IQGAP2: variants seen among roughly 807,000 people sequenced by gnomAD.
The protein encoded by IQGAP2 is ras GTPase-activating-like protein IQGAP2.
A neutral mutation model predicts 201.3 loss-of-function variants in IQGAP2; 173 were observed. That is an observed-to-expected ratio of 0.86 (90% confidence interval 0.76 to 0.98). The LOEUF (loss-of-function observed/expected upper bound fraction) is 0.98. IQGAP2 is among the 50% of genes least tolerant of loss of function. The pLI is 0.00. For missense variants in IQGAP2, 1,687 were observed against 1,864.8 expected (o/e 0.90, Z 1.76); for synonymous variants, 675 against 673.9 (o/e 1.00, Z -0.03).
At chr5:76,637,845 A>C (rs1187582751) in intron 16 of IQGAP2, among the ~76,000 whole-genome samples, 1 of 152,250 alleles carries the variant, frequency 6.6e-6, no homozygotes, top group African/African-American at 2.4e-5. Flanking sequence ...CATAAAAATT[A>C]GCCATGTGTC....
chr5:76,656,970 A>G (rs956912014), intron 20 of IQGAP2, among the ~76,000 whole-genome samples: 28 of 152,296 alleles, frequency 1.8e-4, no homozygotes, highest in African/African-American at 6.7e-4. Context: ...CACTGAACGC[A>G]TTCCAGCTTG....
chr5:76,701,616 G>A lies in IQGAP2; in HGVS notation c.4505+403G>A, dbSNP rs113695873. 8.7e-3 allele frequency: 1,405 copies of A among 161,078 alleles called. 23 individuals are homozygous for A. Among genetic ancestry groups the A allele is most frequent in the African/African-American group, 0.031 (1,291 of 41,782 alleles). The allele number at this position is 161,078 out of a possible 1,614,324, so 10.0% of individuals were successfully genotyped here. ...AAGCATGCTGTGAGTGTGTGTATTCGGTGTAGTGGAAAAAACAAACCCTCC... is the reference window on the plus strand; with the variant it reads ...AAGCATGCTGTGAGTGTGTGTATTCAGTGTAGTGGAAAAAACAAACCCTCC... On this transcript the variant is annotated intron_variant, in intron 34 of 35. Coordinates refer to ENST00000274364, the MANE Select transcript of IQGAP2 (RefSeq NM_006633.5).
intron 15 of IQGAP2, among the ~76,000 whole-genome samples, chr5:76,632,733 A>G (rs1750811192): frequency 6.6e-6 from 1 of 152,060 alleles, no homozygotes; most frequent in South Asian, 2.1e-4. Context: ...TATTTGTACC[A>G]CATTGTAGGT....
At chr5:76,472,466 A>T (rs920463229) in intron 2 of IQGAP2, among the ~76,000 whole-genome samples, 3 of 152,192 alleles carry the variant, frequency 2.0e-5, no homozygotes, top group Non-Finnish European at 2.9e-5. Context: ...TATAAAGGAA[A>T]AAGCTACAGG....
chr5:76,496,737 C>CTTTCTT (rs1756951811), intron 2 of IQGAP2, among the ~76,000 whole-genome samples: 1 of 42,358 alleles, frequency 2.4e-5, no homozygotes, highest in South Asian at 7.1e-4. Context: ...TTCTTTCTTT[C>CTTTCTT]TTTCTTTCTT....
chr5:76,515,872 CTTTT>C (rs71604295), intron 2 of IQGAP2, among the ~76,000 whole-genome samples: 2 of 102,760 alleles, frequency 1.9e-5, no homozygotes, highest in African/African-American at 4.0e-5. Context: ...AGGGGGTGAT[CTTTT>C]TTTTTTTTTT....
chr5:76,701,135 C>T lies in IQGAP2; in HGVS notation c.4427C>T (p.Ala1476Val), dbSNP rs142120814. The T allele has an allele frequency of 3.4e-5, 55 of 1,613,832 alleles. No homozygotes were observed. The highest frequency in any genetic ancestry group is 2.8e-4 in the African/African-American group (21 of 74,938). The stretch of plus-strand genomic sequence containing the variant: ...GGAGAACCCAAAGGGGCGAAGAGAG[C>T]GAAGCCAGTGAAGTACACTGCAGCA... The part of the protein sequence containing the change: ...GKGEPKGAKR[A>V]KPVKYTAAKL... Residue 1476 changes from alanine to valine, a missense_variant, in exon 34 of 36, where the codon GCG becomes GTG. Physicochemically the swap from Ala to Val is moderately conservative, Grantham distance 64. Coordinates refer to ENST00000274364, the MANE Select transcript of IQGAP2 (RefSeq NM_006633.5).
At chr5:76,544,943 T>C (rs1235991600) in intron 2 of IQGAP2, among the ~76,000 whole-genome samples, 1 of 152,006 alleles carries the variant, frequency 6.6e-6, no homozygotes, top group African/African-American at 2.4e-5. Context: ...ATGTCTACAG[T>C]ATATATGTAG....
intron 2 of IQGAP2, among the ~76,000 whole-genome samples, chr5:76,530,063 A>AT (rs982617425): frequency 5.9e-5 from 9 of 151,922 alleles, no homozygotes; most frequent in Admixed American, 1.3e-4. Flanking sequence ...CAGCTGGCAC[A>AT]TTTTTTTTGT....
chr5:76,704,801 A>G (rs1353344085), intron 35 of IQGAP2, among the ~76,000 whole-genome samples: 1 of 152,182 alleles, frequency 6.6e-6, no homozygotes, highest in Non-Finnish European at 1.5e-5. Context: ...CTTTCAGTCA[A>G]TTGCATGAAT....
intron 2 of IQGAP2, among the ~76,000 whole-genome samples, chr5:76,489,923 C>T (rs546886416): frequency 1.3e-5 from 2 of 152,334 alleles, no homozygotes; most frequent in East Asian, 1.9e-4. Flanking sequence ...ATGCACACTG[C>T]GGACTTCACC....
At chr5:76,588,870 T>C in intron 5 of IQGAP2, 36 bp from the exon 6 acceptor site, 1 of 1,317,402 alleles carries the variant, frequency 7.6e-7, no homozygotes, top group Non-Finnish European at 1.1e-6. Flanking sequence ...CTTATGATGA[T>C]AAAATTTCTG....
intron 17 of IQGAP2, among the ~76,000 whole-genome samples, chr5:76,646,575 A>T (rs1450824570): frequency 1.3e-5 from 2 of 152,188 alleles, no homozygotes; most frequent in Non-Finnish European, 2.9e-5. Flanking sequence ...ATAATAATTC[A>T]TCTTCCTGTA....
At position 76,404,384 on chromosome 5, in the gene IQGAP2, A is replaced by G; in HGVS notation, c.46+793A>G. On this transcript the variant is annotated intron_variant, in intron 1 of 35. Transcript: ENST00000274364. ...ACCAACCACGTGGCTTCATGTGCAG[A>G]GTTCAGAGTCCTAAACATGTGCCAG... 3.7e-6 allele frequency: 3 copies of G among 803,274 alleles called. No homozygotes were observed. In the South Asian group the frequency reaches 1.7e-4, roughly 46 times the overall value. 49.8% of individuals were successfully genotyped at this position (803,274 alleles called of 1,614,324 possible).
chr5:76,416,073 A>G (rs1751390649), intron 1 of IQGAP2, among the ~76,000 whole-genome samples: 1 of 152,250 alleles, frequency 6.6e-6, no homozygotes. Context: ...TTGACTCACA[A>G]AGTGAACTCT....
At chr5:76,514,850 T>C (rs1758208944) in intron 2 of IQGAP2, among the ~76,000 whole-genome samples, 1 of 152,234 alleles carries the variant, frequency 6.6e-6, no homozygotes, top group African/African-American at 2.4e-5. Context: ...GTGCTTTTAA[T>C]ACAGTGGGTC....
At chr5:76,423,489 C>T (rs550525031) in intron 1 of IQGAP2, among the ~76,000 whole-genome samples, 17 of 152,254 alleles carry the variant, frequency 1.1e-4, no homozygotes, top group East Asian at 7.7e-4. Context: ...GGCACAGTGG[C>T]GGGAGCCTGT....
chr5:76,660,879 G>C (rs1300396896), intron 21 of IQGAP2, among the ~76,000 whole-genome samples: 1 of 152,140 alleles, frequency 6.6e-6, no homozygotes, highest in African/African-American at 2.4e-5. Flanking sequence ...AATATGCAGA[G>C]GGCGATAGAA....
chr5:76,585,760 T>C (rs10073592), intron 5 of IQGAP2, among the ~76,000 whole-genome samples: 86,832 of 151,884 alleles, frequency 0.57, 25,851 homozygotes, highest in East Asian at 0.76. Context: ...GTGATTTGCC[T>C]GCCTCGGCCT....
Sources: gnomAD v4.1 joint callset for allele counts (sites outside exome capture counted in the v4.1 genomes callset) on GRCh38, gnomAD v4.1.1 for gene constraint, MANE v1.5 for transcripts, NCBI Gene and HGNC (gene_info 2026-07-23, HGNC 2026-07-21) for gene names.